Variants in DOC2B observed in about 807,000 individuals in gnomAD.
DOC2B encodes double C2 domain beta.
A neutral mutation model predicts 28.9 loss-of-function variants in DOC2B; 21 were observed. The observed-to-expected ratio is 0.73, with a 90% CI of 0.52 to 1.05. The LOEUF is 1.05. Among genes scored for constraint, DOC2B ranks in the 50% least tolerant of loss-of-function variants. DOC2B has a pLI of 0.00. For synonymous variants in DOC2B, 194 were observed against 178.1 expected (o/e 1.09, Z -0.71); for missense variants, 384 against 421.1 (o/e 0.91, Z 0.77).
At chr17:161,032 A>G (rs1247845959) in intron 5 of DOC2B, among the ~76,000 whole-genome samples, 1 of 151,946 alleles carries the variant, frequency 6.6e-6, no homozygotes, top group Non-Finnish European at 1.5e-5. Flanking sequence ...AGGACGTCCT[A>G]TCTGCTGCCT....
At position 180,989 on chromosome 17, in the gene DOC2B, T is replaced by A. The variant is rs189087875; in HGVS notation, c.373+118A>T. 6,105 of 895,914 alleles carry A rather than the reference T, an allele frequency of 6.8e-3. 284 individuals carry two copies. In the African/African-American group the frequency reaches 0.097, roughly 14 times the overall value. 55.5% of individuals were successfully genotyped at this position (895,914 alleles called of 1,614,324 possible). A position where few individuals can be genotyped will look rare whatever the true frequency, so the allele number is the denominator to read the frequency against. ...GGCCCGCAAGCCCGCGGCGGGGTTG[T>A]GAACCGAGGCAGAGCGCGAGCGCGC... On this transcript the variant is annotated intron_variant, in intron 1 of 8. Coordinates refer to ENST00000613549, the MANE Select transcript of DOC2B (RefSeq NM_003585.5).
At chr17:175,488 A>C (rs941925835) in intron 1 of DOC2B, among the ~76,000 whole-genome samples, 4 of 152,248 alleles carry the variant, frequency 2.6e-5, no homozygotes, top group African/African-American at 9.6e-5. Flanking sequence ...TTGGCTTTAC[A>C]TGATAGTAAA....
intron 6 of DOC2B, 38 bp downstream of exon 6, chr17:156,182 G>A: frequency 6.6e-7 from 1 of 1,517,440 alleles, no homozygotes; most frequent in Middle Eastern, 1.7e-4. Context: ...CCTTGGAGGT[G>A]AAGACGTGGC....
chr17:173,293 C>G (rs901931545), intron 1 of DOC2B, among the ~76,000 whole-genome samples: 1 of 152,214 alleles, frequency 6.6e-6, no homozygotes, highest in African/African-American at 2.4e-5. Context: ...GGCAATCACT[C>G]ATAGCAGCTG....
At chr17:168,617 C>G (rs1179750188) in intron 2 of DOC2B, among the ~76,000 whole-genome samples, 25 of 7,342 alleles carry the variant, frequency 3.4e-3, no homozygotes, top group African/African-American at 0.013. Flanking sequence ...TGGTCTGACA[C>G]TGTTCTTGAG....
In DOC2B at chr17:181,308, C is replaced by A. The variant is rs886202075; in HGVS notation, c.172G>T (p.Ala58Ser). Residue 58 changes from alanine to serine, a missense_variant, in exon 1 of 9, where the codon GCC (alanine) becomes TCC (serine). Ala to Ser is a moderately conservative substitution (Grantham distance 99, BLOSUM62 1). Coordinates refer to ENST00000613549, the MANE Select transcript of DOC2B (RefSeq NM_003585.5). This position sits in a 1 kb window ranked among gnomAD's most constrained non-coding sequence, Gnocchi z 7.0. Reference sequence around the variant, plus strand: ...CCGGCCACAGCCGGGCGCGCGGGGGCGTCCGGGGGTGCAGCGGCTCGGGGC... The same window carrying A: ...CCGGCCACAGCCGGGCGCGCGGGGGAGTCCGGGGGTGCAGCGGCTCGGGGC... ...AGPRAAAPPDAPARPAVAGAG... is the reference protein window; with the variant it reads ...AGPRAAAPPDSPARPAVAGAG... 1.1e-5 allele frequency: 13 copies of A among 1,177,374 alleles called. No individual in the cohort carries two copies. The African/African-American group carries it at 1.1e-4, about 10-fold the overall frequency. 72.9% of individuals were successfully genotyped at this position (1,177,374 alleles called of 1,614,324 possible). A position where few individuals can be genotyped will look rare whatever the true frequency, so the allele number is the denominator to read the frequency against.
intron 1 of DOC2B, among the ~76,000 whole-genome samples, chr17:177,299 C>G (rs1284758576): frequency 6.6e-6 from 1 of 152,192 alleles, no homozygotes; most frequent in Non-Finnish European, 1.5e-5. Flanking sequence ...GGTTCTCCAT[C>G]AACTCCTGGA....
Position 181,303 on chromosome 17 carries a change from G to A in DOC2B, c.177C>T (p.Pro59=). ...GPRAAAPPDA[P]ARPAVAGAGR... is the part of the protein sequence containing the mutation. The stretch of plus-strand genomic sequence containing the variant: ...CGGCACCGGCCACAGCCGGGCGCGC[G>A]GGGGCGTCCGGGGGTGCAGCGGCTC... The change falls in exon 1 of 9, where the codon CCC becomes CCT. Residue 59 remains proline (P), a synonymous_variant. Coordinates refer to ENST00000613549, the MANE Select transcript of DOC2B (RefSeq NM_003585.5). The surrounding 1 kb of genome is among the most constrained non-coding windows in gnomAD (Gnocchi z 7.0). 8.5e-7 allele frequency: 1 copy of A among 1,177,622 alleles called. No homozygotes were observed. The highest frequency in any genetic ancestry group is 3.7e-5 in the East Asian group (1 of 26,914). 72.9% of individuals were successfully genotyped at this position (1,177,622 alleles called of 1,614,324 possible). A position where few individuals can be genotyped will look rare whatever the true frequency, so the allele number is the denominator to read the frequency against.
chr17:158,270 C>G (rs896682201), intron 5 of DOC2B, among the ~76,000 whole-genome samples: 2 of 152,090 alleles, frequency 1.3e-5, no homozygotes, highest in Non-Finnish European at 2.9e-5. Flanking sequence ...CTCAGCCCCC[C>G]CAGACAAACC....
intron 2 of DOC2B, among the ~76,000 whole-genome samples, chr17:169,161 T>A (rs1318361247): frequency 6.6e-6 from 1 of 152,078 alleles, no homozygotes; most frequent in Non-Finnish European, 1.5e-5. Flanking sequence ...AAGGAAGTTT[T>A]GACACGTGCT....
intron 5 of DOC2B, 24 bp from the exon 6 acceptor site, chr17:156,401 G>C: frequency 1.3e-6 from 2 of 1,549,544 alleles, no homozygotes; most frequent in Non-Finnish European, 1.7e-6. Flanking sequence ...CGGTCACTCA[G>C]TCCTCACCTG....
At chr17:161,946 C>T in intron 4 of DOC2B, 135 bp downstream of exon 4, 2 of 683,838 alleles carry the variant, frequency 2.9e-6, no homozygotes, top group Non-Finnish European at 2.5e-6. Flanking sequence ...TTTCTTCAAG[C>T]CCCCAAGCTG....
At chr17:166,473 G>A (rs574875022) in intron 2 of DOC2B, among the ~76,000 whole-genome samples, 8 of 152,376 alleles carry the variant, frequency 5.3e-5, no homozygotes, top group African/African-American at 4.8e-5. Flanking sequence ...TGGGCCTCAC[G>A]GGAGGTGACG....
chr17:177,183 G>C (rs893932050), intron 1 of DOC2B, among the ~76,000 whole-genome samples: 2 of 152,248 alleles, frequency 1.3e-5, no homozygotes, highest in East Asian at 3.9e-4. Context: ...CGGCACTGCA[G>C]GGGGGACAGA....
At chr17:161,846 G>C (rs1555523290) in intron 4 of DOC2B, among the ~76,000 whole-genome samples, 3 of 152,216 alleles carry the variant, frequency 2.0e-5, no homozygotes, top group Admixed American at 2.0e-4. Context: ...AGCACCCTGA[G>C]AGGCCCCAGG....
chr17:148,768 G>A (rs9674481), intron 7 of DOC2B, among the ~76,000 whole-genome samples: 9 of 152,148 alleles, frequency 5.9e-5, no homozygotes, highest in South Asian at 4.2e-4. Flanking sequence ...CGTACTTGCC[G>A]CCTTGGGCGG....
chr17:163,973 T>C (rs761274571), intron 3 of DOC2B, among the ~76,000 whole-genome samples, 157 bp downstream of exon 3: 60 of 152,244 alleles, frequency 3.9e-4, no homozygotes, highest in South Asian at 1.0e-3. Context: ...ATGGCTGAGG[T>C]CCCATCAGCT....
At chr17:155,872 C>G in intron 6 of DOC2B, 1 of 302,152 alleles carries the variant, frequency 3.3e-6, no homozygotes, top group South Asian at 8.1e-5. Context: ...CCCCCAGCCT[C>G]CTGGCTACCC....
At chr17:176,926 C>T (rs760455325) in intron 1 of DOC2B, among the ~76,000 whole-genome samples, 9 of 152,100 alleles carry the variant, frequency 5.9e-5, no homozygotes, top group Non-Finnish European at 1.2e-4. Flanking sequence ...CCTCTAAGGC[C>T]GAGCACCCCC....
Sources: allele counts gnomAD v4.1 joint callset (sites outside exome capture counted in the v4.1 genomes callset), GRCh38; gene constraint gnomAD v4.1.1; non-coding constraint Gnocchi (gnomAD v3.1); transcripts MANE v1.5; gene names NCBI Gene and HGNC (gene_info 2026-07-23, HGNC 2026-07-21).